The following RGS21 variants were observed in gnomAD, a reference collection of about 807,000 sequenced individuals.
RGS21 encodes regulator of G-protein signalling 21.
RGS21 carries 19 observed loss-of-function variants against 18.7 expected under a neutral mutation model. That is an observed-to-expected ratio of 1.01 (90% CI 0.71 to 1.49). RGS21 has a LOEUF of 1.49. RGS21 is among the 40% of genes most tolerant of loss of function. The probability of loss-of-function intolerance (pLI) is 0.00; values close to 1 mark genes in which losing one functional copy is unlikely to be tolerated. For missense variants in RGS21, 194 were observed against 176.8 expected, an observed-to-expected ratio of 1.10 and a Z score of -0.55; for synonymous variants, 56 against 57.8, an observed-to-expected ratio of 0.97 and a Z score of 0.14.
chr1:192,339,899 C>G (rs1194651726), intron 1 of RGS21, among the ~76,000 whole-genome samples: 1 of 117,650 alleles, frequency 8.5e-6, no homozygotes, highest in East Asian at 2.1e-4. Flanking sequence ...GCTAAATCCC[C>G]TTTACTTTTT....
intron 1 of RGS21, among the ~76,000 whole-genome samples, chr1:192,327,962 C>T (rs1260756903): frequency 1.3e-5 from 2 of 152,104 alleles, no homozygotes; most frequent in Non-Finnish European, 2.9e-5. Flanking sequence ...TTTATAATGT[C>T]TCATGAAATG....
chr1:192,365,872 C>T (rs1659251310), intron 4 of RGS21, 49 bp from the exon 5 acceptor site: 1 of 1,021,636 alleles, frequency 9.8e-7, no homozygotes, highest in Admixed American at 1.9e-5. Context: ...ATAAACTATA[C>T]ATTCTTTGAT....
intron 1 of RGS21, among the ~76,000 whole-genome samples, chr1:192,329,469 T>G (rs2102224099): frequency 6.6e-6 from 1 of 152,234 alleles, no homozygotes; most frequent in African/African-American, 2.4e-5. Context: ...TATGCAAGTG[T>G]CTTTTAATTT....
chr1:192,347,188 T>C (rs1658962703), intron 2 of RGS21, 125 bp from the exon 3 acceptor site: 1 of 628,100 alleles, frequency 1.6e-6, no homozygotes, highest in Admixed American at 2.3e-5. Flanking sequence ...GTATAATTTT[T>C]TGACATTTGG....
At chr1:192,324,777 C>T (rs1193427017) in intron 1 of RGS21, among the ~76,000 whole-genome samples, 6 of 152,130 alleles carry the variant, frequency 3.9e-5, no homozygotes, top group African/African-American at 7.2e-5. Context: ...ATCCTAACTT[C>T]GATGTTAAAA....
intron 1 of RGS21, among the ~76,000 whole-genome samples, chr1:192,318,918 G>A (rs1157047404): frequency 6.6e-6 from 1 of 151,840 alleles, no homozygotes; most frequent in African/African-American, 2.4e-5. Context: ...CAAAAAGAAG[G>A]GCAGAATAAA....
chr1:192,343,465 A>G lies in RGS21; in HGVS notation c.11+418A>G, dbSNP rs563276708. ...CATGGACTCCTTGCTTGAGTTTTCC[A>G]TTCTCCAGCACACTGCTAATTGAGT... On this transcript the variant is annotated intron_variant, in intron 2 of 4. Transcript: ENST00000417209. Among the ~76,000 whole-genome samples, 11 of 152,236 alleles carry G rather than the reference A, an allele frequency of 7.2e-5. No homozygotes were observed. The East Asian group carries it at 1.5e-3, about 21-fold the overall frequency.
chr1:192,332,669 A>AC (rs1231132265), intron 1 of RGS21, among the ~76,000 whole-genome samples: 2 of 152,218 alleles, frequency 1.3e-5, no homozygotes, highest in Non-Finnish European at 2.9e-5. Flanking sequence ...GAAAAGGCAA[A>AC]CCACATACTA....
At chr1:192,352,979 G>C (rs899582296) in intron 4 of RGS21, among the ~76,000 whole-genome samples, 1 of 151,918 alleles carries the variant, frequency 6.6e-6, no homozygotes, top group African/African-American at 2.4e-5. Flanking sequence ...CATAAACAAA[G>C]AGCGTTAATG....
At chr1:192,321,219 A>G (rs1179148263) in intron 1 of RGS21, among the ~76,000 whole-genome samples, 2 of 151,924 alleles carry the variant, frequency 1.3e-5, no homozygotes, top group African/African-American at 4.8e-5. Flanking sequence ...TTTTTCTAGT[A>G]AGCACTTCTT....
intron 1 of RGS21, among the ~76,000 whole-genome samples, chr1:192,331,410 G>C (rs902921759): frequency 5.3e-5 from 8 of 152,006 alleles, no homozygotes; most frequent in Non-Finnish European, 7.4e-5. Flanking sequence ...AAATTAGCGT[G>C]GTGGCAGGCG....
chr1:192,338,398 A>G (rs1400670536), intron 1 of RGS21, among the ~76,000 whole-genome samples: 1 of 152,128 alleles, frequency 6.6e-6, no homozygotes, highest in Non-Finnish European at 1.5e-5. Flanking sequence ...TAAATCTAAG[A>G]AGACAATTGT....
chr1:192,331,581 A>T (rs934399064), intron 1 of RGS21, among the ~76,000 whole-genome samples: 9 of 150,870 alleles, frequency 6.0e-5, no homozygotes, highest in African/African-American at 1.7e-4. Flanking sequence ...AAATAAATAA[A>T]TAAAGACTGT....
intron 4 of RGS21, among the ~76,000 whole-genome samples, chr1:192,355,029 T>A (rs1470117428): frequency 6.6e-6 from 1 of 151,610 alleles, no homozygotes; most frequent in Non-Finnish European, 1.5e-5. Flanking sequence ...CAGCTGGATT[T>A]TATGTCCTCT....
At position 192,352,099 on chromosome 1, in the gene RGS21, T is replaced by C. The variant is rs1374889481; in HGVS notation, c.141T>C (p.Asn47=). 9 of 1,606,464 alleles carry C rather than the reference T, an allele frequency of 5.6e-6. No individual in the cohort carries two copies. The highest frequency in any genetic ancestry group is 1.7e-5 in the Admixed American group (1 of 58,178). ...TAAAATCAGAGTTTAGTGAAGAAAA[T>C]GTTGAGTTCTGGCTTGCCTGTGAAG... ...IFLKSEFSEE[N]VEFWLACEDF... is the part of the protein sequence containing the mutation. The change falls in exon 4 of 5, where the codon AAT becomes AAC. Residue 47 remains asparagine (N), a synonymous_variant. Coordinates refer to ENST00000417209, the MANE Select transcript of RGS21 (RefSeq NM_001039152.3).
intron 1 of RGS21, among the ~76,000 whole-genome samples, chr1:192,337,472 A>G (rs746664558): frequency 3.3e-5 from 5 of 152,044 alleles, no homozygotes; most frequent in African/African-American, 4.8e-5. Context: ...TATATTACTT[A>G]GCTTTATTAA....
At chr1:192,328,221 C>T (rs1001458204) in intron 1 of RGS21, among the ~76,000 whole-genome samples, 93 of 152,202 alleles carry the variant, frequency 6.1e-4, no homozygotes, top group Non-Finnish European at 8.7e-4. Flanking sequence ...GCTCCGAGGG[C>T]GGCCAGGGAC....
intron 1 of RGS21, among the ~76,000 whole-genome samples, chr1:192,330,085 T>C (rs1385823580): frequency 6.6e-6 from 1 of 152,180 alleles, no homozygotes; most frequent in Non-Finnish European, 1.5e-5. Context: ...TTGAGAAGAA[T>C]TTAAAGCTGA....
chr1:192,358,367 T>C (rs1659138153), intron 4 of RGS21, among the ~76,000 whole-genome samples: 1 of 152,070 alleles, frequency 6.6e-6, no homozygotes, highest in East Asian at 1.9e-4. Flanking sequence ...TTACAAACTT[T>C]GTTGTATTCA....
Sources: allele counts gnomAD v4.1 joint callset (sites outside exome capture counted in the v4.1 genomes callset), GRCh38; gene constraint gnomAD v4.1.1; transcripts MANE v1.5; gene names NCBI Gene and HGNC (gene_info 2026-07-23, HGNC 2026-07-21).